ENAH: variants seen among roughly 807,000 people sequenced by gnomAD.
ENAH encodes the protein protein enabled homolog.
ENAH carries 23 observed loss-of-function variants against 78.7 expected under a neutral mutation model. The ratio of observed to expected loss-of-function variants is 0.29; its 90% CI spans 0.21 to 0.41. The LOEUF (loss-of-function observed/expected upper bound fraction) is 0.41. Among genes scored for constraint, ENAH ranks in the 10% least tolerant of loss-of-function variants. The pLI, the probability that ENAH is intolerant of heterozygous loss-of-function variation, is 1.00. For missense variants in ENAH, 544 were observed against 691.0 expected (o/e 0.79, Z 2.39); for synonymous variants, 226 against 241.0 (o/e 0.94, Z 0.58).
chr1:225,545,778 G>A (rs1389255689), intron 3 of ENAH, among the ~76,000 whole-genome samples: 1 of 152,044 alleles, frequency 6.6e-6, no homozygotes, highest in Non-Finnish European at 1.5e-5. Flanking sequence ...TTGAATCCCT[G>A]AGTTAGAGGT....
chr1:225,561,694 T>C (rs903937823), intron 2 of ENAH, among the ~76,000 whole-genome samples: 1 of 151,428 alleles, frequency 6.6e-6, no homozygotes, highest in Non-Finnish European at 1.5e-5. Flanking sequence ...TTATTGGATG[T>C]CCACTGAGCA....
intron 1 of ENAH, among the ~76,000 whole-genome samples, chr1:225,570,374 C>T (rs2096755505): frequency 6.6e-6 from 1 of 151,764 alleles, no homozygotes; most frequent in Admixed American, 6.6e-5. Context: ...CTGCGCAGGT[C>T]CACTTATACA....
At chr1:225,560,936 T>G (rs969025999) in intron 2 of ENAH, among the ~76,000 whole-genome samples, 1 of 152,244 alleles carries the variant, frequency 6.6e-6, no homozygotes, top group African/African-American at 2.4e-5. Flanking sequence ...TTTTCCAATA[T>G]AAAAATTTGA....
intron 3 of ENAH, among the ~76,000 whole-genome samples, chr1:225,541,305 T>G (rs1224347086): frequency 6.6e-6 from 1 of 151,818 alleles, no homozygotes; most frequent in Non-Finnish European, 1.5e-5. Context: ...GTTGGTGGCA[T>G]GTGCCTGTAA....
At chr1:225,500,752 G>T (rs2096277450) in intron 12 of ENAH, among the ~76,000 whole-genome samples, 1 of 152,128 alleles carries the variant, frequency 6.6e-6, no homozygotes, top group Non-Finnish European at 1.5e-5. Context: ...TACACCTTAT[G>T]CTGTTATCAC....
intron 1 of ENAH, among the ~76,000 whole-genome samples, chr1:225,608,815 C>CAAAAAAAAAAAA (rs928281132): frequency 0.011 from 237 of 20,668 alleles, 32 homozygotes; most frequent in African/African-American, 0.038. Context: ...GACTCTGTCT[C>CAAAAAAAAAAAA]AAAAAAAAAA....
At chr1:225,623,201 ATT>A (rs1409324343) in intron 1 of ENAH, among the ~76,000 whole-genome samples, 2 of 152,186 alleles carry the variant, frequency 1.3e-5, no homozygotes, top group African/African-American at 4.8e-5. Flanking sequence ...GGTGGTTTTA[ATT>A]TTGTCTATAA....
chr1:225,563,892 G>A (rs2096721166), intron 2 of ENAH, among the ~76,000 whole-genome samples: 1 of 152,128 alleles, frequency 6.6e-6, no homozygotes, highest in South Asian at 2.1e-4. Flanking sequence ...TTAAAATTTG[G>A]GGGGCAGATT....
At chr1:225,624,348 G>C (rs1388702502) in intron 1 of ENAH, among the ~76,000 whole-genome samples, 1 of 152,152 alleles carries the variant, frequency 6.6e-6, no homozygotes. Flanking sequence ...ATATGGCCAG[G>C]CATGGTGCCT....
chr1:225,615,583 C>A (rs1198362206), intron 1 of ENAH, among the ~76,000 whole-genome samples: 1 of 151,858 alleles, frequency 6.6e-6, no homozygotes, highest in Non-Finnish European at 1.5e-5. Flanking sequence ...GCTGCCAGCC[C>A]GTCTGGGAAG....
Position 225,491,150 on chromosome 1 carries a change from A to G in ENAH, c.*6625T>C, listed in dbSNP as rs2096220183. 6.6e-6 allele frequency: 1 copy of G among 152,134 alleles called. No individual in the cohort carries two copies. Among genetic ancestry groups the G allele is most frequent in the Admixed American group, 6.6e-5 (1 of 15,264 alleles). The allele number at this position is 152,134 out of a possible 1,614,324, so 9.4% of individuals were successfully genotyped here. On this transcript the variant is annotated 3_prime_UTR_variant, in exon 14 of 14. Coordinates refer to ENST00000366843, the MANE Select transcript of ENAH (RefSeq NM_018212.6). The stretch of plus-strand genomic sequence containing the variant: ...ACATAAAACACGTTGAAAAACATTT[A>G]TTTATTTAGAGATGGAATCTCGCTC...
intron 12 of ENAH, among the ~76,000 whole-genome samples, chr1:225,499,243 C>T (rs983138013): frequency 6.6e-6 from 1 of 151,318 alleles, no homozygotes; most frequent in African/African-American, 2.4e-5. Flanking sequence ...ACTCCAGCCT[C>T]GGCGACAAAG....
At chr1:225,500,861 G>T in intron 12 of ENAH, 131 bp downstream of exon 12, 2 of 861,722 alleles carry the variant, frequency 2.3e-6, no homozygotes, top group Non-Finnish European at 1.8e-6. Context: ...TAATGCCACT[G>T]TTTAATTTGT....
intron 1 of ENAH, among the ~76,000 whole-genome samples, chr1:225,644,734 T>C (rs1661645661): frequency 6.6e-6 from 1 of 152,194 alleles, no homozygotes; most frequent in Non-Finnish European, 1.5e-5. Flanking sequence ...GTCATTTTGA[T>C]TTCACATCAT....
Position 225,590,571 on chromosome 1 carries a change from T to G in ENAH, c.6-23157A>C, listed in dbSNP as rs192269376. Among the ~76,000 whole-genome samples the G allele has an allele frequency of 1.8e-4, 28 of 152,312 alleles. No homozygotes were observed. In the East Asian group the frequency reaches 5.2e-3, roughly 28 times the overall value. On this transcript the variant is annotated intron_variant, in intron 1 of 13. Transcript: ENST00000366843. ...TTTCTACTTAGATATCATACATACC[T>G]CAAAATACAACCTATTTTTCTCCCC...
At position 225,599,016 on chromosome 1, in the gene ENAH, G is replaced by A. The variant is rs149379386; in HGVS notation, c.6-31602C>T. Among the ~76,000 whole-genome samples, 585 of 152,180 alleles carry A rather than the reference G, an allele frequency of 3.8e-3. 8 individuals are homozygous for A. Among genetic ancestry groups the A allele is most frequent in the African/African-American group, 0.014 (564 of 41,512 alleles). ...TAACAAAATAATCAAACTTAATTTC[G>A]CAATATTGGGAAAACTGCCATCAGG... On this transcript the variant is annotated intron_variant, in intron 1 of 13. Coordinates refer to ENST00000366843, the MANE Select transcript of ENAH (RefSeq NM_018212.6).
At chr1:225,583,817 AAAAAGAAAAGAAAG>A (rs1241773311) in intron 1 of ENAH, among the ~76,000 whole-genome samples, 2 of 151,742 alleles carry the variant, frequency 1.3e-5, no homozygotes, top group African/African-American at 4.8e-5. Flanking sequence ...TCAAAAAAAA[AAAAAGAAAAGAAAG>A]AAAGAAAAGA....
chr1:225,610,503 AATT>A (rs1451319112), intron 1 of ENAH, among the ~76,000 whole-genome samples: 1 of 152,178 alleles, frequency 6.6e-6, no homozygotes, highest in African/African-American at 2.4e-5. Flanking sequence ...CAGTAAAAAA[AATT>A]CTTTTTTTTC....
At chr1:225,640,395 A>G (rs1184954674) in intron 1 of ENAH, among the ~76,000 whole-genome samples, 1 of 152,234 alleles carries the variant, frequency 6.6e-6, no homozygotes, top group East Asian at 1.9e-4. Flanking sequence ...TTCTAGGTCA[A>G]TTCATCCTAC....
Sources: gnomAD v4.1 joint callset for allele counts (sites outside exome capture counted in the v4.1 genomes callset) on GRCh38, gnomAD v4.1.1 for gene constraint, MANE v1.5 for transcripts, NCBI Gene and HGNC (gene_info 2026-07-23, HGNC 2026-07-21) for gene names.